The following OR51M1 variants were observed in gnomAD, a reference collection of about 807,000 sequenced individuals.
OR51M1 encodes olfactory receptor 51M1.
For synonymous variants in OR51M1, 199 were observed against 155.1 expected (o/e 1.28, Z -2.10); for missense variants, 509 against 404.4 (o/e 1.26, Z -2.22).
At position 5,390,385 on chromosome 11, in the gene OR51M1, G is replaced by A. The variant is rs1461687690; in HGVS notation, c.*6G>A. Reference sequence around the variant, plus strand: ...TTAAAAAGGCCAGTAAATGAGTCCTGGGGCTAAAACTCCCCCTAGAGGCCT... The same window carrying A: ...TTAAAAAGGCCAGTAAATGAGTCCTAGGGCTAAAACTCCCCCTAGAGGCCT... On this transcript the variant is annotated 3_prime_UTR_variant, in exon 3 of 3. Transcript: ENST00000642046. 5.7e-6 allele frequency: 9 copies of A among 1,578,468 alleles called. No homozygotes were observed. The highest frequency in any genetic ancestry group is 3.3e-4 in the Middle Eastern group (2 of 5,988).
At chr11:5,384,200 G>A (rs906253536) in intron 1 of OR51M1, among the ~76,000 whole-genome samples, 2 of 152,004 alleles carry the variant, frequency 1.3e-5, no homozygotes, top group African/African-American at 4.8e-5. Context: ...TTAGAAATGA[G>A]GTCTAGCTCT....
intron 2 of OR51M1, among the ~76,000 whole-genome samples, chr11:5,388,168 T>G (rs928603669): frequency 6.6e-6 from 1 of 152,072 alleles, no homozygotes; most frequent in Non-Finnish European, 1.5e-5. Flanking sequence ...ATTTAATAAT[T>G]TATTCAAATA....
At position 5,385,364 on chromosome 11, in the gene OR51M1, C is replaced by G. The variant is rs1849671479; in HGVS notation, c.-110C>G. ...TTGTCTCTGTATAGACATCTTGTTT[C>G]TACCAGATCCTTCTCCCTGTCCATC... On this transcript the variant is annotated 5_prime_UTR_variant, in exon 2 of 3. Coordinates refer to ENST00000642046, the MANE Select transcript of OR51M1 (RefSeq NM_001004756.3). 6.6e-6 allele frequency: 1 copy of G among 152,198 alleles called. No homozygotes were observed. Among genetic ancestry groups the G allele is most frequent in the African/African-American group, 2.4e-5 (1 of 41,422 alleles). The allele number at this position is 152,198 out of a possible 1,614,324, so 9.4% of individuals were successfully genotyped here.
Position 5,389,700 on chromosome 11 carries a change from C to T in OR51M1, c.302C>T (p.Ser101Phe). ...PTTMGIFWFN[S>F]HSIYFGACQI... The stretch of plus-strand genomic sequence containing the variant: ...ACTATGGGGATCTTCTGGTTTAACT[C>T]CCATAGTATCTACTTTGGAGCGTGT... Residue 101 changes from serine to phenylalanine, a missense_variant, in exon 3 of 3, where the codon TCC (serine) becomes TTC (phenylalanine). Coordinates refer to ENST00000642046, the MANE Select transcript of OR51M1 (RefSeq NM_001004756.3). 1 of 1,613,742 alleles carries T rather than the reference C, an allele frequency of 6.2e-7. No homozygotes were observed. Among genetic ancestry groups the T allele is most frequent in the Non-Finnish European group, 8.5e-7 (1 of 1,179,816 alleles).
Position 5,385,950 on chromosome 11 carries a change from A to G in OR51M1, c.-16+492A>G, listed in dbSNP as rs1271933573. 2.0e-5 allele frequency among the ~76,000 whole-genome samples: 3 copies of G among 149,334 alleles called. No homozygotes were observed. In the East Asian group the frequency reaches 5.8e-4, roughly 29 times the overall value. ...ATGGATGTATAAGTATGTTCTATATATATATCAATAAGTATATATAAATAT... is the reference window on the plus strand; with the variant it reads ...ATGGATGTATAAGTATGTTCTATATGTATATCAATAAGTATATATAAATAT... On this transcript the variant is annotated intron_variant, in intron 2 of 2. Coordinates refer to ENST00000642046, the MANE Select transcript of OR51M1 (RefSeq NM_001004756.3).
Position 5,391,495 on chromosome 11 carries a change from C to T in OR51M1, c.*1116C>T, listed in dbSNP as rs1329362729. ...CAGTAAATGTATATAAATACAATGC[C>T]TAGCACATGCCATATACTCAATAAA... On this transcript the variant is annotated 3_prime_UTR_variant, in exon 3 of 3. Coordinates refer to ENST00000642046, the MANE Select transcript of OR51M1 (RefSeq NM_001004756.3). 1.3e-5 allele frequency: 2 copies of T among 152,178 alleles called. No homozygotes were observed. Among genetic ancestry groups the T allele is most frequent in the African/African-American group, 4.8e-5 (2 of 41,428 alleles). 9.4% of individuals were successfully genotyped at this position (152,178 alleles called of 1,614,324 possible).
chr11:5,386,639 C>T (rs1471120469), intron 2 of OR51M1, among the ~76,000 whole-genome samples: 2 of 151,864 alleles, frequency 1.3e-5, no homozygotes, highest in African/African-American at 4.8e-5. Context: ...TGCATAATCT[C>T]GGTGGCTGCA....
intron 1 of OR51M1, 132 bp downstream of exon 1, chr11:5,384,049 T>C (rs1564795091): frequency 1.3e-5 from 2 of 152,202 alleles, no homozygotes; most frequent in South Asian, 2.1e-4. Flanking sequence ...CAAAAAGACA[T>C]GGTCTCAGTT....
chr11:5,384,112 C>A (rs544084254), intron 1 of OR51M1, among the ~76,000 whole-genome samples, 195 bp downstream of exon 1: 85 of 152,270 alleles, frequency 5.6e-4, no homozygotes, highest in South Asian at 3.7e-3. Context: ...AAATGGATTC[C>A]CCACATTCCC....
Position 5,390,292 on chromosome 11 carries a change from G to A in OR51M1, c.894G>A (p.Met298Ile). Residue 298 changes from methionine to isoleucine, a missense_variant, in exon 3 of 3, where the codon ATG becomes ATA. Physicochemically the swap from Met to Ile is conservative, Grantham distance 10. Transcript: ENST00000642046. The stretch of plus-strand genomic sequence containing the variant: ...ATGTCTACCTTTTTGTGCCTCCCAT[G>A]CTTAACCCAATCATATACAGCATTA... ...MANVYLFVPP[M>I]LNPIIYSIKT... The A allele has an allele frequency of 1.2e-6, 2 of 1,613,846 alleles. No individual in the cohort carries two copies. Among genetic ancestry groups the A allele is most frequent in the Non-Finnish European group, 1.7e-6 (2 of 1,179,850 alleles).
At chr11:5,388,479 G>A (rs1376836981) in intron 2 of OR51M1, among the ~76,000 whole-genome samples, 1 of 150,438 alleles carries the variant, frequency 6.6e-6, no homozygotes, top group Non-Finnish European at 1.5e-5. Flanking sequence ...AAGATTAAGG[G>A]AAAGCTATTT....
Position 5,390,282 on chromosome 11 carries a change from T to A in OR51M1, c.884T>A (p.Val295Glu), listed in dbSNP as rs1452946828. 2.5e-6 allele frequency: 4 copies of A among 1,613,880 alleles called. No individual in the cohort carries two copies. The highest frequency in any genetic ancestry group is 3.4e-6 in the Non-Finnish European group (4 of 1,179,894). Residue 295 changes from valine (V) to glutamate (E), a missense_variant, in exon 3 of 3, where the codon GTG (valine) becomes GAG (glutamate). Coordinates refer to ENST00000642046, the MANE Select transcript of OR51M1 (RefSeq NM_001004756.3). ...CTTATGGCCAATGTCTACCTTTTTGTGCCTCCCATGCTTAACCCAATCATA... is the reference window on the plus strand; with the variant it reads ...CTTATGGCCAATGTCTACCTTTTTGAGCCTCCCATGCTTAACCCAATCATA... ...HLLMANVYLF[V>E]PPMLNPIIYS...
chr11:5,388,424 A>T (rs1849735467), intron 2 of OR51M1, among the ~76,000 whole-genome samples: 1 of 151,622 alleles, frequency 6.6e-6, no homozygotes, highest in African/African-American at 2.4e-5. Context: ...GAAGGACATC[A>T]TATCTAAGCT....
intron 2 of OR51M1, among the ~76,000 whole-genome samples, chr11:5,389,073 G>A (rs1849748472): frequency 1.3e-5 from 2 of 152,240 alleles, no homozygotes; most frequent in African/African-American, 4.8e-5. Flanking sequence ...TCATGGTAGT[G>A]GATGACATTA....
chr11:5,384,615 G>A (rs1276290644), intron 1 of OR51M1, among the ~76,000 whole-genome samples: 1 of 152,130 alleles, frequency 6.6e-6, no homozygotes, highest in Non-Finnish European at 1.5e-5. Context: ...GAAGCCCTCT[G>A]GTCTCTATAC....
rs762719357 is a variant in OR51M1, at chr11:5,390,207, T to C, written c.809T>C (p.Leu270Pro). 6.2e-7 allele frequency: 1 copy of C among 1,614,026 alleles called. No individual in the cohort carries two copies. The highest frequency in any genetic ancestry group is 1.1e-5 in the South Asian group (1 of 91,088). The change falls in exon 3 of 3, where the codon CTG becomes CCG. Residue 270 changes from leucine to proline, a missense_variant. Leu to Pro is a moderately conservative substitution (Grantham distance 98). Transcript: ENST00000642046. ...GTATTCTTTGTGCCCATGATGGGGC[T>C]GTCCCTGGTGCACCGTTTTGGGAAG... is the stretch of plus-strand genomic sequence containing the variant. The part of the protein sequence containing the change: ...VLVFFVPMMG[L>P]SLVHRFGKHA...
intron 1 of OR51M1, among the ~76,000 whole-genome samples, chr11:5,384,546 G>A (rs957538068): frequency 6.6e-6 from 1 of 152,164 alleles, no homozygotes; most frequent in African/African-American, 2.4e-5. Context: ...CTCCCCTGAT[G>A]AGTGCCTGCA....
At position 5,389,647 on chromosome 11, in the gene OR51M1, G is replaced by A. The variant is rs149011876; in HGVS notation, c.249G>A (p.Leu83=). 806 of 1,613,526 alleles carry A rather than the reference G, an allele frequency of 5.0e-4. 2 individuals are homozygous for A. In the African/African-American group the frequency reaches 8.9e-3, roughly 18 times the overall value. Reference sequence around the variant, plus strand: ...TATCCTTGCTGGCCCTCACTGACCTGGGGCTGTGTGTGTCCACGTTGCCCA... The same window carrying A: ...TATCCTTGCTGGCCCTCACTGACCTAGGGCTGTGTGTGTCCACGTTGCCCA... ...YLLSLLALTD[L]GLCVSTLPTT... The change falls in exon 3 of 3, where the codon CTG becomes CTA. Residue 83 remains leucine, a synonymous_variant. Transcript: ENST00000642046.
At chr11:5,389,115 GC>G (rs1849749433) in intron 2 of OR51M1, among the ~76,000 whole-genome samples, 3 of 152,140 alleles carry the variant, frequency 2.0e-5, no homozygotes, top group Admixed American at 6.5e-5. Context: ...CCAGGAAATT[GC>G]CAAGGATGGG....
Sources: gnomAD v4.1 joint callset for allele counts (sites outside exome capture counted in the v4.1 genomes callset) on GRCh38, gnomAD v4.1.1 for gene constraint, MANE v1.5 for transcripts, NCBI Gene and HGNC (gene_info 2026-07-23, HGNC 2026-07-21) for gene names.